ATP8B1: variants seen among roughly 807,000 people sequenced by gnomAD.
The protein encoded by ATP8B1 is ATPase phospholipid transporting 8B1, also known as phospholipid-transporting ATPase IC.
A neutral mutation model predicts 149.9 loss-of-function variants in ATP8B1; 80 were observed. The observed-to-expected ratio is 0.53, with a 90% CI of 0.45 to 0.64. ATP8B1 has a LOEUF of 0.64. Among genes scored for constraint, ATP8B1 ranks in the 30% least tolerant of loss-of-function variants. The pLI, the probability that ATP8B1 is intolerant of heterozygous loss-of-function variation, is 0.00. For synonymous variants in ATP8B1, 536 were observed against 562.8 expected, an observed-to-expected ratio of 0.95 and a Z score of 0.67; for missense variants, 1,247 against 1,552.6, an observed-to-expected ratio of 0.80 and a Z score of 3.31.
At chr18:57,768,859 C>T (rs910206626) in intron 1 of ATP8B1, among the ~76,000 whole-genome samples, 3 of 152,184 alleles carry the variant, frequency 2.0e-5, no homozygotes, top group Non-Finnish European at 2.9e-5. Context: ...GCAGCAAACA[C>T]TGTAACCAGT....
intron 13 of ATP8B1, among the ~76,000 whole-genome samples, chr18:57,687,127 C>A (rs1384413313): frequency 6.6e-6 from 1 of 152,172 alleles, no homozygotes; most frequent in Admixed American, 6.5e-5. Flanking sequence ...CTGCACCCAG[C>A]CCATTTTAAC....
At chr18:57,668,286 G>C in intron 19 of ATP8B1, 143 bp downstream of exon 19, 1 of 1,325,084 alleles carries the variant, frequency 7.5e-7, no homozygotes, top group Non-Finnish European at 1.0e-6. Context: ...AACAGAGGAG[G>C]GTTTCTCAGA....
chr18:57,700,106 C>T (rs971502851), intron 6 of ATP8B1, among the ~76,000 whole-genome samples: 45 of 152,192 alleles, frequency 3.0e-4, no homozygotes, highest in Non-Finnish European at 5.3e-4. Flanking sequence ...GAATTGCCTT[C>T]CAGTAGCCCT....
intron 2 of ATP8B1, among the ~76,000 whole-genome samples, chr18:57,707,181 A>G (rs866058407): frequency 1.2e-4 from 18 of 152,004 alleles, no homozygotes; most frequent in South Asian, 1.0e-3. Flanking sequence ...CTGTAATCCC[A>G]GCTTCTCAGG....
chr18:57,756,316 T>TATATATATGTATATATATA (rs1290813737), intron 1 of ATP8B1, among the ~76,000 whole-genome samples: 1 of 145,016 alleles, frequency 6.9e-6, no homozygotes, highest in South Asian at 2.1e-4. Context: ...TATATATATA[T>TATATATATGTATATATATA]TTGAGACTGA....
At chr18:57,783,079 C>T (rs1300649269) in intron 1 of ATP8B1, among the ~76,000 whole-genome samples, 1 of 152,056 alleles carries the variant, frequency 6.6e-6, no homozygotes, top group Non-Finnish European at 1.5e-5. Context: ...TCCCAAAGTG[C>T]TGGGATTACA....
chr18:57,680,821 G>A (rs909869170), intron 15 of ATP8B1, among the ~76,000 whole-genome samples: 2 of 151,980 alleles, frequency 1.3e-5, no homozygotes, highest in South Asian at 2.1e-4. Flanking sequence ...TCTCACACCC[G>A]TGATGCGCAA....
chr18:57,704,793 G>A (rs1913306195), intron 3 of ATP8B1, 125 bp from the exon 4 acceptor site: 1 of 730,938 alleles, frequency 1.4e-6, no homozygotes, highest in Admixed American at 2.1e-5. Context: ...GAAAGATATT[G>A]AGGATTTTGT....
chr18:57,765,475 C>T (rs1055322633), intron 1 of ATP8B1, among the ~76,000 whole-genome samples: 1 of 152,132 alleles, frequency 6.6e-6, no homozygotes, highest in Non-Finnish European at 1.5e-5. Context: ...CGAGACCAGC[C>T]TGGTCAATAT....
chr18:57,676,717 C>T (rs1240474673), intron 15 of ATP8B1, among the ~76,000 whole-genome samples: 2 of 92,220 alleles, frequency 2.2e-5, no homozygotes, highest in African/African-American at 4.3e-5. Flanking sequence ...GACTCCATTT[C>T]AAAAAAAAAA....
rs2079784132 is a variant in ATP8B1 at position 57,732,225 on chromosome 18, GTATATATGTGTATATATATGTATATA to G, written c.-25-419_-25-394del. On this transcript the variant is annotated intron_variant, in intron 1 of 27. Transcript: ENST00000648908. ...TATATATGTATATATGTGTATATAT[GTATATATGTGTATATATATGTATATA>G]TGTATATATGTGTATATATGTATAT... Among the ~76,000 whole-genome samples the G allele has an allele frequency of 1.2e-3, 14 of 11,306 alleles. 3 individuals carry two copies. Among genetic ancestry groups the G allele is most frequent in the East Asian group, 7.1e-3 (2 of 282 alleles). The allele number at this position is 11,306 out of a possible 152,430, so 7.4% of individuals were successfully genotyped here. A position where few individuals can be genotyped will look rare whatever the true frequency, so the allele number is the denominator to read the frequency against.
At chr18:57,670,201 T>C (rs534378852) in intron 17 of ATP8B1, among the ~76,000 whole-genome samples, 1 of 152,286 alleles carries the variant, frequency 6.6e-6, no homozygotes, top group African/African-American at 2.4e-5. Flanking sequence ...CAATCACCTA[T>C]GAACTCTCCA....
At chr18:57,769,838 A>G (rs1487770470) in intron 1 of ATP8B1, among the ~76,000 whole-genome samples, 1 of 152,226 alleles carries the variant, frequency 6.6e-6, no homozygotes, top group African/African-American at 2.4e-5. Flanking sequence ...GCATTTATTG[A>G]GCCAATGCTA....
intron 1 of ATP8B1, among the ~76,000 whole-genome samples, chr18:57,791,842 A>G (rs1319012226): frequency 1.3e-5 from 2 of 152,120 alleles, no homozygotes; most frequent in South Asian, 2.1e-4. Context: ...AAGTTGTTTC[A>G]TATCTCTTTT....
chr18:57,674,161 G>A (rs971316184), intron 16 of ATP8B1, among the ~76,000 whole-genome samples: 6 of 143,026 alleles, frequency 4.2e-5, no homozygotes, highest in East Asian at 4.5e-4. Context: ...CAGGAGACTC[G>A]CTTGAACCTG....
At chr18:57,792,691 T>C (rs754371406) in intron 1 of ATP8B1, among the ~76,000 whole-genome samples, 9 of 152,202 alleles carry the variant, frequency 5.9e-5, no homozygotes, top group Non-Finnish European at 1.3e-4. Context: ...TGCACAGCTA[T>C]GTAAATATAC....
At chr18:57,791,740 T>C (rs2080466965) in intron 1 of ATP8B1, among the ~76,000 whole-genome samples, 1 of 152,230 alleles carries the variant, frequency 6.6e-6, no homozygotes, top group Non-Finnish European at 1.5e-5. Context: ...CCTGGGTTAC[T>C]CCTAGGCCAT....
chr18:57,662,524 G>A lies in ATP8B1; in HGVS notation c.2377C>T (p.Pro793Ser), dbSNP rs767564002. ...ATGATTAAGGCACGGTTTCCACCGG[G>A]TGGAAAAAAAGATTCCTGCACAGGA... ...APPVQESFFP[P>S]GGNRALIITG... is the part of the protein sequence containing the mutation. Residue 793 changes from proline to serine, a missense_variant, in exon 21 of 28, where the codon CCC (proline) becomes TCC (serine). Coordinates refer to ENST00000648908, the MANE Select transcript of ATP8B1 (RefSeq NM_001374385.1). The A allele has an allele frequency of 3.6e-5, 58 of 1,614,008 alleles. No homozygotes were observed. The highest frequency in any genetic ancestry group is 4.7e-5 in the Non-Finnish European group (56 of 1,180,030).
intron 15 of ATP8B1, among the ~76,000 whole-genome samples, chr18:57,680,888 C>T (rs1226903556): frequency 6.6e-6 from 1 of 152,150 alleles, no homozygotes. Flanking sequence ...GAAGTGAAGG[C>T]TTCCAAGCCT....
Sources: gnomAD v4.1 joint callset for allele counts (sites outside exome capture counted in the v4.1 genomes callset) on GRCh38, gnomAD v4.1.1 for gene constraint, MANE v1.5 for transcripts, NCBI Gene and HGNC (gene_info 2026-07-23, HGNC 2026-07-21) for gene names.